ABCG5: variants seen among roughly 807,000 people sequenced by gnomAD.
ABCG5 encodes the protein ATP-binding cassette sub-family G member 5.
A neutral mutation model predicts 64.5 loss-of-function variants in ABCG5; 64 were observed. The ratio of observed to expected loss-of-function variants is 0.99; its 90% CI spans 0.81 to 1.22. ABCG5 has a LOEUF of 1.22. Ranked by LOEUF, ABCG5 falls within the 50% of genes most tolerant of loss-of-function variation. The pLI is 0.00. For missense variants in ABCG5, 908 were observed against 829.5 expected (o/e 1.09, Z -1.16); for synonymous variants, 385 against 326.3 (o/e 1.18, Z -1.94).
At chr2:43,826,670 C>G in intron 5 of ABCG5, 149 bp from the exon 6 acceptor site, 1 of 1,274,126 alleles carries the variant, frequency 7.8e-7, no homozygotes, top group Non-Finnish European at 1.1e-6. Flanking sequence ...GGCTTTCAGC[C>G]TGAGCTCAGG....
chr2:43,817,571 T>C (rs1666918866), intron 11 of ABCG5, among the ~76,000 whole-genome samples: 1 of 152,064 alleles, frequency 6.6e-6, no homozygotes, highest in Non-Finnish European at 1.5e-5. Context: ...ATGATGGGGT[T>C]ACTTCCAGAT....
rs1289740032 is a variant in ABCG5 at position 43,838,443 on chromosome 2, G to A, written c.143+94C>T. On this transcript the variant is annotated intron_variant, in intron 1 of 12. Coordinates refer to ENST00000405322, the MANE Select transcript of ABCG5 (RefSeq NM_022436.3). The surrounding 1 kb of genome is among the most constrained non-coding windows in gnomAD (Gnocchi z 4.2). ...CTAAAGAGGGAGCCCGAAGTGCCCA[G>A]ACTGGCACTTAAAGAGTGAAGAAAG... 1 of 1,275,090 alleles carries A rather than the reference G, an allele frequency of 7.8e-7. No individual in the cohort carries two copies. The highest frequency in any genetic ancestry group is 1.5e-5 in the African/African-American group (1 of 67,202). The allele number at this position is 1,275,090 out of a possible 1,614,324, so 79.0% of individuals were successfully genotyped here.
chr2:43,819,789 T>C, intron 11 of ABCG5, 126 bp downstream of exon 11: 1 of 1,021,390 alleles, frequency 9.8e-7, no homozygotes, highest in Admixed American at 1.9e-5. Flanking sequence ...GTATAAATGC[T>C]CTAGACTATA....
rs1408624349 is a variant in ABCG5 at position 43,831,757 on chromosome 2, G to A, written c.501+12C>T. 2 of 1,567,106 alleles carry A rather than the reference G, an allele frequency of 1.3e-6. No individual in the cohort carries two copies. Among genetic ancestry groups the A allele is most frequent in the Non-Finnish European group, 1.7e-6 (2 of 1,157,566 alleles). ...CTCAGTTTGCCCTCTGTGAGCGGGG[G>A]GCTGCACCCACCTTCTTCTGGAAGG... On this transcript the variant is annotated intron_variant, in intron 4 of 12. Coordinates refer to ENST00000405322, the MANE Select transcript of ABCG5 (RefSeq NM_022436.3).
intron 6 of ABCG5, among the ~76,000 whole-genome samples, chr2:43,826,134 C>T (rs191357804): frequency 1.1e-4 from 17 of 152,090 alleles, no homozygotes; most frequent in African/African-American, 3.9e-4. Flanking sequence ...CACCACCATG[C>T]CTGGCTAATT....
chr2:43,820,116 C>G lies in ABCG5; in HGVS notation c.1464-16G>C. On this transcript the variant is annotated splice_polypyrimidine_tract_variant and intron_variant, in intron 10 of 12. Transcript: ENST00000405322. Reference sequence around the variant, plus strand: ...GCCCAGCGTCCTAGAAAAGCATAAGCTCTTTAGTTTCCTCTCCAAGGGCTA... The same window carrying G: ...GCCCAGCGTCCTAGAAAAGCATAAGGTCTTTAGTTTCCTCTCCAAGGGCTA... 1 of 1,611,048 alleles carries G rather than the reference C, an allele frequency of 6.2e-7. No individual in the cohort carries two copies. The highest frequency in any genetic ancestry group is 8.5e-7 in the Non-Finnish European group (1 of 1,178,438).
chr2:43,822,955 TTCAGAACAGTCAG>T lies in ABCG5; in HGVS notation c.1325-33_1325-21del. 2 of 1,613,018 alleles carry T rather than the reference TTCAGAACAGTCAG, an allele frequency of 1.2e-6. No individual in the cohort carries two copies. The highest frequency in any genetic ancestry group is 1.7e-6 in the Non-Finnish European group (2 of 1,179,608). Reference sequence around the variant, plus strand: ...CGGGAACTGGGGATGGAAGGCAGGTTTCAGAACAGTCAGTCACCACCCAGCTGAAAAAGGGAGG... The same window carrying T: ...CGGGAACTGGGGATGGAAGGCAGGTTTCACCACCCAGCTGAAAAAGGGAGG... On this transcript the variant is annotated intron_variant, in intron 9 of 12. Transcript: ENST00000405322.
rs563751236 is a variant in ABCG5, at chr2:43,835,748, C to T, written c.265+2086G>A. On this transcript the variant is annotated intron_variant, in intron 2 of 12. Coordinates refer to ENST00000405322, the MANE Select transcript of ABCG5 (RefSeq NM_022436.3). ...GAGACCCCTCCCCACTTCTGCCATGCAAGGTTAGGGTGAGAAAATGGCTGT... is the reference window on the plus strand; with the variant it reads ...GAGACCCCTCCCCACTTCTGCCATGTAAGGTTAGGGTGAGAAAATGGCTGT... Among the ~76,000 whole-genome samples, 26 of 152,226 alleles carry T rather than the reference C, an allele frequency of 1.7e-4. No homozygotes were observed. In the South Asian group the frequency reaches 5.4e-3, roughly 32 times the overall value.
chr2:43,812,876 G>T lies in ABCG5; in HGVS notation c.*240C>A, dbSNP rs1457203946. On this transcript the variant is annotated 3_prime_UTR_variant, in exon 13 of 13. Coordinates refer to ENST00000405322, the MANE Select transcript of ABCG5 (RefSeq NM_022436.3). ...GAATATTATTTACATTCTTGGGTCC[G>T]CTCAGTCACAATTTCCAAATAACCA... 1 of 527,170 alleles carries T rather than the reference G, an allele frequency of 1.9e-6. No individual in the cohort carries two copies. The highest frequency in any genetic ancestry group is 3.3e-5 in the East Asian group (1 of 30,344). 32.7% of individuals were successfully genotyped at this position (527,170 alleles called of 1,614,324 possible).
At chr2:43,831,898 A>G (rs760210238) in intron 3 of ABCG5, 31 bp from the exon 4 acceptor site, 1 of 1,536,240 alleles carries the variant, frequency 6.5e-7, no homozygotes. Flanking sequence ...AGTGTAGCCT[A>G]AGCCCCCGGG....
rs1368139441 is a variant in ABCG5 at position 43,836,114 on chromosome 2, G to T, written c.265+1720C>A. The stretch of plus-strand genomic sequence containing the variant: ...ACCAGGCCTGGCTAATTTTTTTTTT[G>T]CATTTTTAGTAGAGACGGGTTTTGC... On this transcript the variant is annotated intron_variant, in intron 2 of 12. Transcript: ENST00000405322. Among the ~76,000 whole-genome samples, 6 of 150,860 alleles carry T rather than the reference G, an allele frequency of 4.0e-5. No individual in the cohort carries two copies. The East Asian group carries it at 1.2e-3, about 29-fold the overall frequency.
At position 43,832,138 on chromosome 2, in the gene ABCG5, G is replaced by A; in HGVS notation, c.266-55C>T. ...GAACCACTCTGTGCCGGCCTTGGAG[G>A]AGCTTCCCGAGACCCTCTGTGCAGG... is the stretch of plus-strand genomic sequence containing the variant. On this transcript the variant is annotated intron_variant, in intron 2 of 12. Transcript: ENST00000405322. 8.4e-6 allele frequency: 13 copies of A among 1,552,618 alleles called. No homozygotes were observed. The South Asian group carries it at 1.4e-4, about 17-fold the overall frequency.
intron 12 of ABCG5, among the ~76,000 whole-genome samples, chr2:43,814,123 A>T (rs1475321473): frequency 6.6e-6 from 1 of 152,088 alleles, no homozygotes; most frequent in Non-Finnish European, 1.5e-5. Context: ...GCTATGTACG[A>T]TGTACATTTT....
At chr2:43,833,847 G>A (rs1048814260) in intron 2 of ABCG5, among the ~76,000 whole-genome samples, 3 of 151,886 alleles carry the variant, frequency 2.0e-5, no homozygotes, top group African/African-American at 7.3e-5. Flanking sequence ...ACCACACCTG[G>A]CTAATTTTTG....
chr2:43,829,684 G>C (rs1260409393), intron 4 of ABCG5, among the ~76,000 whole-genome samples: 2 of 152,202 alleles, frequency 1.3e-5, no homozygotes, highest in Non-Finnish European at 2.9e-5. Context: ...CAGGGGGAAA[G>C]CAGAAAGAGA....
rs1572774544 is a variant in ABCG5, at chr2:43,826,323, C to A, written c.774+59G>T. The A allele has an allele frequency of 2.5e-6, 4 of 1,611,436 alleles. No homozygotes were observed. The East Asian group carries it at 8.9e-5, about 36-fold the overall frequency. On this transcript the variant is annotated intron_variant, in intron 6 of 12. Transcript: ENST00000405322. ...CCACTGGTACAAATCTTGCCCCTGC[C>A]CCTGTGATTCCCAGCTCAACACACC...
intron 5 of ABCG5, 97 bp downstream of exon 5, chr2:43,827,885 CT>C: frequency 6.4e-7 from 1 of 1,559,582 alleles, no homozygotes; most frequent in Non-Finnish European, 8.7e-7. Context: ...ACACAAACCC[CT>C]TTCCAAATGA....
chr2:43,808,082 T>A (rs989496320), downstream of ABCG5, among the ~76,000 whole-genome samples: 2 of 152,180 alleles, frequency 1.3e-5, no homozygotes, highest in Admixed American at 6.6e-5. Flanking sequence ...TAACTTCCAG[T>A]TAAAGACAAA....
At chr2:43,816,504 T>C (rs1363796548) in intron 11 of ABCG5, among the ~76,000 whole-genome samples, 1 of 152,208 alleles carries the variant, frequency 6.6e-6, no homozygotes, top group Non-Finnish European at 1.5e-5. Context: ...TAGATCTGGA[T>C]GTATTGACAT....
Sources: allele counts gnomAD v4.1 joint callset (sites outside exome capture counted in the v4.1 genomes callset), GRCh38; gene constraint gnomAD v4.1.1; non-coding constraint Gnocchi (gnomAD v3.1); transcripts MANE v1.5; gene names NCBI Gene and HGNC (gene_info 2026-07-23, HGNC 2026-07-21).